The following RSPH10B variants were observed in gnomAD, a reference collection of about 807,000 sequenced individuals.
RSPH10B encodes the protein radial spoke head 10 homolog B.
A neutral mutation model predicts 52.5 loss-of-function variants in RSPH10B; 7 were observed. The observed-to-expected ratio is 0.13, with a 90% CI of 0.08 to 0.25. The LOEUF (loss-of-function observed/expected upper bound fraction) is 0.25. Among genes scored for constraint, RSPH10B ranks in the 10% least tolerant of loss-of-function variants. The probability of loss-of-function intolerance (pLI) is 1.00; values close to 1 mark genes in which losing one functional copy is unlikely to be tolerated. For missense variants in RSPH10B, 89 were observed against 542.5 expected (o/e 0.16, Z 8.30); for synonymous variants, 28 against 193.2 (o/e 0.14, Z 7.09).
At chr7:5,933,734 T>C (rs1165409677) in intron 16 of RSPH10B, among the ~76,000 whole-genome samples, 1 of 128,154 alleles carries the variant, frequency 7.8e-6, no homozygotes, top group Non-Finnish European at 1.7e-5. Context: ...ACCACTGCAC[T>C]CCAGCCTGGG....
chr7:5,927,098 A>AT (rs1232040567), intron 18 of RSPH10B, among the ~76,000 whole-genome samples: 3,007 of 70,578 alleles, frequency 0.043, 7 homozygotes, highest in African/African-American at 0.1. Flanking sequence ...GTGTGTGTGT[A>AT]TTTTTTTTTT....
chr7:5,948,397 C>T (rs1465562131), exon 10 of RSPH10B: 2 of 5,124 alleles, frequency 3.9e-4, no homozygotes, highest in East Asian at 1.9e-3. Flanking sequence ...TTTCTTAAGA[C>T]GGCATATTCC....
chr7:5,941,474 G>A (rs2128628549), intron 13 of RSPH10B, among the ~76,000 whole-genome samples: 1 of 148,326 alleles, frequency 6.7e-6, no homozygotes, highest in East Asian at 2.0e-4. Flanking sequence ...GCCAGGCACA[G>A]TGGCTCACGC....
chr7:5,943,654 C>T (rs1245640233), intron 12 of RSPH10B, among the ~76,000 whole-genome samples, 182 bp from the exon 15 acceptor site: 34 of 148,280 alleles, frequency 2.3e-4, no homozygotes, highest in Admixed American at 6.1e-4. Context: ...AGCGATTCTC[C>T]TGCCTCAGCC....
rs1462772072 is a variant in RSPH10B, at chr7:5,929,319, A to G, written c.2234-925T>C. ...CTCAGCCTCCCAAGTAGCTGGGACC[A>G]CAGGCGGGTGCCACCACACCCAGCT... On this transcript the variant is annotated intron_variant, in intron 17 of 18. Coordinates refer to ENST00000337579, the Ensembl canonical transcript of RSPH10B. Among the ~76,000 whole-genome samples the G allele has an allele frequency of 3.9e-4, 53 of 135,322 alleles. 2 individuals are homozygous for G. The highest frequency in any genetic ancestry group is 1.6e-3 in the African/African-American group (53 of 34,162). The allele number at this position is 135,322 out of a possible 152,430, so 88.8% of individuals were successfully genotyped here.
intron 17 of RSPH10B, among the ~76,000 whole-genome samples, chr7:5,931,584 G>T (rs1337946905): frequency 6.6e-6 from 1 of 151,164 alleles, no homozygotes; most frequent in African/African-American, 2.4e-5. Flanking sequence ...ACCAGGCGCG[G>T]TTGGGCTCAT....
chr7:5,943,550 TTTTG>T lies in RSPH10B; in HGVS notation c.1610-82_1610-79del, dbSNP rs1168564295. On this transcript the variant is annotated intron_variant, in intron 12 of 18. Coordinates refer to ENST00000337579, the Ensembl canonical transcript of RSPH10B. ...ATAGCAGTAAATATAATCCTATTGC[TTTTG>T]TTTTTTTCCCAGACAGAGTCTTGAT... 6.6e-5 allele frequency: 104 copies of T among 1,577,178 alleles called. No individual in the cohort carries two copies. The African/African-American group carries it at 1.3e-3, about 20-fold the overall frequency.
Position 5,943,421 on chromosome 7 carries a change from T to C in RSPH10B, c.1661A>G (p.Asn554Ser), listed in dbSNP as rs747965213. The change falls in exon 13 of 19, where the codon AAT (asparagine) becomes AGT (serine). Residue 554 changes from asparagine to serine, a missense_variant. By Grantham distance (46) the Asn-to-Ser change is conservative. Transcript: ENST00000337579. ...AGCGAGATAAATCTCCCAGCACTTATTCATGTAACTCATAGAGTAGAGCGT... is the reference window on the plus strand; with the variant it reads ...AGCGAGATAAATCTCCCAGCACTTACTCATGTAACTCATAGAGTAGAGCGT... 2.7e-5 allele frequency: 43 copies of C among 1,602,794 alleles called. 1 individual carries two copies. The highest frequency in any genetic ancestry group is 5.1e-5 in the Admixed American group (3 of 58,604).
chr7:5,940,014 G>C (rs1273352839), intron 13 of RSPH10B, among the ~76,000 whole-genome samples: 3 of 121,256 alleles, frequency 2.5e-5, no homozygotes, highest in African/African-American at 5.8e-5. Flanking sequence ...GGCCAACATG[G>C]ACAAACCGCA....
In RSPH10B at chr7:5,928,511, G is replaced by A. The variant is rs1321243280; in HGVS notation, c.2234-117C>T. 140 of 1,499,262 alleles carry A rather than the reference G, an allele frequency of 9.3e-5. 2 individuals are homozygous for A. In the South Asian group the frequency reaches 9.9e-4, roughly 11 times the overall value. The allele number at this position is 1,499,262 out of a possible 1,614,324, so 92.9% of individuals were successfully genotyped here. The stretch of plus-strand genomic sequence containing the variant: ...TGGGCCCCCTTCTCCTCGGCCAGGA[G>A]AGGGGAGAGGAGTAAGGACGCTGCT... On this transcript the variant is annotated intron_variant, in intron 17 of 18. Coordinates refer to ENST00000337579, the Ensembl canonical transcript of RSPH10B.
rs553959259 is a variant in RSPH10B at position 5,929,132 on chromosome 7, C to G, written c.2234-738G>C. Among the ~76,000 whole-genome samples, 445 of 146,356 alleles carry G rather than the reference C, an allele frequency of 3.0e-3. 21 individuals carry two copies. Among genetic ancestry groups the G allele is most frequent in the Non-Finnish European group, 5.1e-3 (340 of 67,138 alleles). On this transcript the variant is annotated intron_variant, in intron 17 of 18. Coordinates refer to ENST00000337579, the Ensembl canonical transcript of RSPH10B. ...GCTCAAGTGATCCTCCTATCTCAGC[C>G]TCCCTAATAGCTGAGAATACAGGCA...
intron 11 of RSPH10B, among the ~76,000 whole-genome samples, 198 bp downstream of exon 13, chr7:5,944,866 G>C (rs1182166371): frequency 1.4e-5 from 2 of 147,080 alleles, no homozygotes; most frequent in East Asian, 3.9e-4. Flanking sequence ...AGGAGCCTGA[G>C]GCAGAAGAAT....
At chr7:5,968,499 GTTTA>G (rs547046490), upstream of RSPH10B, among the ~76,000 whole-genome samples, 6 of 79,524 alleles carry the variant, frequency 7.5e-5, no homozygotes, top group African/African-American at 1.3e-4. Context: ...CTATGGGTTT[GTTTA>G]TTTATTTATT....
At chr7:5,942,002 C>G (rs1780218093) in intron 13 of RSPH10B, among the ~76,000 whole-genome samples, 1 of 149,380 alleles carries the variant, frequency 6.7e-6, no homozygotes, top group African/African-American at 2.5e-5. Context: ...AAGCAATTCT[C>G]CTGCCTCAGC....
At chr7:5,926,166 AT>A in exon 19 of RSPH10B, 2 of 374,750 alleles carry the variant, frequency 5.3e-6, no homozygotes, top group Non-Finnish European at 9.4e-6. Context: ...TGATGTTTTA[AT>A]TTTGCAGAGA....
At chr7:5,968,802 T>TG (rs1394928944), upstream of RSPH10B, among the ~76,000 whole-genome samples, 1 of 58,714 alleles carries the variant, frequency 1.7e-5, no homozygotes, top group Non-Finnish European at 4.1e-5. Context: ...TCACCGGGTG[T>TG]GGGTGCCCGG....
At chr7:5,958,950 C>T (rs1780833214) in intron 5 of RSPH10B, 43 bp downstream of exon 7, 2 of 1,321,950 alleles carry the variant, frequency 1.5e-6, no homozygotes, top group African/African-American at 1.4e-5. Flanking sequence ...GCCCACAAAC[C>T]CTTCTTCATC....
At chr7:5,939,585 A>AAC (rs762383240) in intron 13 of RSPH10B, among the ~76,000 whole-genome samples, 8,789 of 35,606 alleles carry the variant, frequency 0.25, 729 homozygotes, top group Non-Finnish European at 0.27. Flanking sequence ...ACCTGTCTCA[A>AAC]ACACACACAC....
intron 18 of RSPH10B, among the ~76,000 whole-genome samples, chr7:5,927,060 G>GTGTATATATATA (rs1554284532): frequency 3.6e-4 from 26 of 72,714 alleles, no homozygotes; most frequent in East Asian, 3.4e-3. Context: ...ATGTGTGTGT[G>GTGTATATATATA]TGTGTGTATA....
Sources: gnomAD v4.1 joint callset for allele counts (sites outside exome capture counted in the v4.1 genomes callset) on GRCh38, gnomAD v4.1.1 for gene constraint, MANE v1.5 for transcripts, NCBI Gene and HGNC (gene_info 2026-07-23, HGNC 2026-07-21) for gene names.